WWOX: variants seen among roughly 807,000 people sequenced by gnomAD.
WWOX encodes WW domain containing oxidoreductase.
In WWOX, 69 loss-of-function variants were observed where a neutral mutation model predicts 46.2. The observed-to-expected ratio is 1.49, with a 90% CI of 1.23 to 1.82. WWOX has a LOEUF of 1.82. Ranked by LOEUF, WWOX falls within the 40% of genes most tolerant of loss-of-function variation. The pLI is 0.00. For missense variants in WWOX, 919 were observed against 542.6 expected, an observed-to-expected ratio of 1.69 and a Z score of -6.89; for synonymous variants, 359 against 202.6, an observed-to-expected ratio of 1.77 and a Z score of -6.56.
chr16:78,281,870 G>A (rs935772980), intron 5 of WWOX, among the ~76,000 whole-genome samples: 5 of 152,102 alleles, frequency 3.3e-5, no homozygotes, highest in African/African-American at 1.2e-4. Flanking sequence ...TGTCATCGAG[G>A]TCCCCTCTTT....
At chr16:79,188,470 C>G (rs556955440) in intron 8 of WWOX, among the ~76,000 whole-genome samples, 5 of 152,176 alleles carry the variant, frequency 3.3e-5, no homozygotes, top group Non-Finnish European at 7.3e-5. Context: ...TTGAGAATGT[C>G]AGGACCAGTA....
intron 5 of WWOX, among the ~76,000 whole-genome samples, chr16:78,204,105 T>C (rs2036317352): frequency 6.6e-6 from 1 of 152,196 alleles, no homozygotes; most frequent in Non-Finnish European, 1.5e-5. Flanking sequence ...GACGGGACAG[T>C]TTGTACTACC....
intron 5 of WWOX, among the ~76,000 whole-genome samples, chr16:78,358,172 A>G (rs1049826080): frequency 6.6e-6 from 1 of 152,226 alleles, no homozygotes; most frequent in Admixed American, 6.5e-5. Context: ...CTCAACACAC[A>G]TTAATCAACA....
intron 8 of WWOX, among the ~76,000 whole-genome samples, chr16:78,743,810 T>G (rs963309522): frequency 3.3e-5 from 5 of 152,152 alleles, no homozygotes; most frequent in African/African-American, 1.2e-4. Context: ...TCTGACTGAT[T>G]GTGGGCCATT....
At chr16:78,482,052 A>G (rs377293267) in intron 8 of WWOX, among the ~76,000 whole-genome samples, 2 of 152,210 alleles carry the variant, frequency 1.3e-5, no homozygotes, top group African/African-American at 4.8e-5. Context: ...AGAATAACTT[A>G]GAATGTGCTT....
chr16:78,580,345 A>C (rs2045017796), intron 8 of WWOX, among the ~76,000 whole-genome samples: 1 of 152,162 alleles, frequency 6.6e-6, no homozygotes. Context: ...AAGTATTGGA[A>C]TATCCGGTGT....
chr16:78,971,456 A>C (rs2046468183), intron 8 of WWOX, among the ~76,000 whole-genome samples: 1 of 28,650 alleles, frequency 3.5e-5, no homozygotes, highest in African/African-American at 1.3e-4. Flanking sequence ...GTCAAAAAAA[A>C]AAAAAAAAAA....
intron 4 of WWOX, among the ~76,000 whole-genome samples, chr16:78,148,100 G>A (rs1469104184): frequency 6.6e-6 from 1 of 152,180 alleles, no homozygotes; most frequent in South Asian, 2.1e-4. Context: ...TTCAGTAATA[G>A]AATATAGTGT....
At chr16:79,157,895 G>A (rs889229080) in intron 8 of WWOX, among the ~76,000 whole-genome samples, 1 of 152,158 alleles carries the variant, frequency 6.6e-6, no homozygotes, top group African/African-American at 2.4e-5. Flanking sequence ...GGGAAGAGGG[G>A]CTGTCCCTAT....
At chr16:78,217,460 G>C (rs78970059) in intron 5 of WWOX, among the ~76,000 whole-genome samples, 1 of 152,152 alleles carries the variant, frequency 6.6e-6, no homozygotes, top group African/African-American at 2.4e-5. Context: ...CCAAATAATC[G>C]TATGAAGTGG....
At position 78,172,570 on chromosome 16, in the gene WWOX, T is replaced by A. The variant is rs1431586844; in HGVS notation, c.516+8281T>A. On this transcript the variant is annotated intron_variant, in intron 5 of 8. Transcript: ENST00000566780. ...TTGAATGTTATTCATTGTTCTTTGA[T>A]CATTGTCTTTGTGTCTTCTCCTTTT... 2.0e-5 allele frequency among the ~76,000 whole-genome samples: 3 copies of A among 152,092 alleles called. No individual in the cohort carries two copies. In the East Asian group the frequency reaches 5.8e-4, roughly 29 times the overall value.
chr16:78,340,892 A>T (rs533132209), intron 5 of WWOX, among the ~76,000 whole-genome samples: 2 of 119,252 alleles, frequency 1.7e-5, no homozygotes, highest in African/African-American at 5.7e-5. Flanking sequence ...TCTTCTGATA[A>T]TAAACTTCTG....
chr16:78,700,228 G>A (rs534236595), intron 8 of WWOX, among the ~76,000 whole-genome samples: 4 of 151,178 alleles, frequency 2.6e-5, no homozygotes, highest in African/African-American at 7.3e-5. Flanking sequence ...CAGATGTCAG[G>A]GCACCAGCAT....
chr16:78,802,448 G>C (rs2050915517), intron 8 of WWOX, among the ~76,000 whole-genome samples: 1 of 152,014 alleles, frequency 6.6e-6, no homozygotes. Context: ...TTTATGGAAG[G>C]CTTTGGAAAT....
intron 8 of WWOX, among the ~76,000 whole-genome samples, chr16:79,178,349 C>G (rs1406634660): frequency 1.3e-5 from 2 of 152,186 alleles, no homozygotes; most frequent in Non-Finnish European, 2.9e-5. Flanking sequence ...TAGGGTCTCA[C>G]TGTGTCACCC....
intron 8 of WWOX, among the ~76,000 whole-genome samples, chr16:78,911,303 T>G (rs996383816): frequency 6.6e-6 from 1 of 152,126 alleles, no homozygotes; most frequent in African/African-American, 2.4e-5. Context: ...CATGTTCCCA[T>G]TTCAGTGCAT....
chr16:78,221,010 T>G (rs1319915536), intron 5 of WWOX, among the ~76,000 whole-genome samples: 2 of 152,216 alleles, frequency 1.3e-5, no homozygotes, highest in East Asian at 1.9e-4. Flanking sequence ...AATTTCATTT[T>G]CTCTTATCCA....
At chr16:78,594,870 A>T (rs1434818011) in intron 8 of WWOX, among the ~76,000 whole-genome samples, 1 of 152,162 alleles carries the variant, frequency 6.6e-6, no homozygotes, top group Admixed American at 6.5e-5. Flanking sequence ...CTCATTGTTT[A>T]TTTAAATAGC....
intron 8 of WWOX, chr16:79,205,157 C>G (rs1430689735): frequency 1.3e-5 from 2 of 152,272 alleles, no homozygotes; most frequent in African/African-American, 4.8e-5. Context: ...CTGCATGGCA[C>G]TCTTCCCCCT....
Sources: allele counts gnomAD v4.1 joint callset (sites outside exome capture counted in the v4.1 genomes callset), GRCh38; gene constraint gnomAD v4.1.1; transcripts MANE v1.5; gene names NCBI Gene and HGNC (gene_info 2026-07-23, HGNC 2026-07-21).